The following GPM6A variants were observed in gnomAD, a reference collection of about 807,000 sequenced individuals.
The protein encoded by GPM6A is glycoprotein M6A, also known as neuronal membrane glycoprotein M6-a.
In GPM6A, 7 loss-of-function variants were observed where a neutral mutation model predicts 32.1. That is an observed-to-expected ratio of 0.22 (90% CI 0.12 to 0.41). The LOEUF is 0.41. Among genes scored for constraint, GPM6A ranks in the 10% least tolerant of loss-of-function variants. GPM6A has a pLI of 1.00. For synonymous variants in GPM6A, 130 were observed against 123.4 expected (o/e 1.05, Z -0.35); for missense variants, 235 against 347.2 (o/e 0.68, Z 2.57).
intron 1 of GPM6A, among the ~76,000 whole-genome samples, chr4:175,721,040 TTATATATATATATG>T (rs1746094326): frequency 2.2e-5 from 1 of 44,706 alleles, no homozygotes; most frequent in African/African-American, 5.7e-5. Flanking sequence ...TACATATATA[TTATATATATATATG>T]TACTAGTATA....
chr4:175,805,276 A>G (rs1734648843), intron 1 of GPM6A, among the ~76,000 whole-genome samples: 1 of 152,142 alleles, frequency 6.6e-6, no homozygotes, highest in African/African-American at 2.4e-5. Context: ...CCCATATTTT[A>G]TTTTTGTTAA....
intron 1 of GPM6A, among the ~76,000 whole-genome samples, chr4:175,769,937 G>T (rs1733119637): frequency 6.6e-6 from 1 of 152,206 alleles, no homozygotes; most frequent in African/African-American, 2.4e-5. Flanking sequence ...TATTCAGGAA[G>T]TAGAATAGCA....
chr4:175,778,371 A>C (rs1354156780), intron 1 of GPM6A, among the ~76,000 whole-genome samples: 1 of 152,040 alleles, frequency 6.6e-6, no homozygotes, highest in East Asian at 1.9e-4. Context: ...GCGGTGGCTC[A>C]TGCCTCCCAC....
chr4:175,799,609 C>T (rs1734380041), intron 1 of GPM6A, among the ~76,000 whole-genome samples: 1 of 151,320 alleles, frequency 6.6e-6, no homozygotes, highest in Admixed American at 6.6e-5. Flanking sequence ...AAGGAGAAGA[C>T]TGAGGTATAA....
chr4:175,701,520 C>T, intron 2 of GPM6A, 55 bp downstream of exon 2: 1 of 1,283,156 alleles, frequency 7.8e-7, no homozygotes, highest in Non-Finnish European at 1.1e-6. Flanking sequence ...TCATTTAACA[C>T]ATAGAAGTGT....
intron 1 of GPM6A, among the ~76,000 whole-genome samples, chr4:175,723,630 C>A (rs1746256073): frequency 6.6e-6 from 1 of 151,838 alleles, no homozygotes; most frequent in Non-Finnish European, 1.5e-5. Flanking sequence ...TTCTTTATTA[C>A]CTAAATTAAG....
intron 1 of GPM6A, among the ~76,000 whole-genome samples, chr4:175,954,562 C>T (rs1027090103): frequency 5.9e-5 from 9 of 152,038 alleles, no homozygotes; most frequent in African/African-American, 1.9e-4. Flanking sequence ...TTTTTCCACC[C>T]GAAGAGTCAA....
chr4:175,750,851 G>A (rs780404929), intron 1 of GPM6A, among the ~76,000 whole-genome samples: 2 of 152,128 alleles, frequency 1.3e-5, no homozygotes, highest in Non-Finnish European at 2.9e-5. Flanking sequence ...GGGATTACAG[G>A]CATGAGTCAC....
chr4:176,001,147 C>T (rs1032106490), intron 1 of GPM6A, among the ~76,000 whole-genome samples: 7 of 152,162 alleles, frequency 4.6e-5, no homozygotes, highest in Admixed American at 1.3e-4. Context: ...CAAAGCATCC[C>T]CTAACCCTTG....
intron 3 of GPM6A, among the ~76,000 whole-genome samples, chr4:175,665,251 A>T (rs113716229): frequency 1.2e-3 from 185 of 152,198 alleles, no homozygotes; most frequent in African/African-American, 4.4e-3. Context: ...AGCTATTTGC[A>T]TGTTCATCAA....
At chr4:175,800,556 T>A (rs760852558) in intron 1 of GPM6A, among the ~76,000 whole-genome samples, 24 of 152,150 alleles carry the variant, frequency 1.6e-4, no homozygotes, top group Non-Finnish European at 3.4e-4. Context: ...ATAGCTAAAA[T>A]TATATACCTA....
chr4:175,802,119 TG>T (rs1734496143), intron 1 of GPM6A, among the ~76,000 whole-genome samples: 1 of 151,902 alleles, frequency 6.6e-6, no homozygotes, highest in African/African-American at 2.4e-5. Context: ...TTTCGTGCAG[TG>T]TTGCAAAAAA....
intron 3 of GPM6A, among the ~76,000 whole-genome samples, chr4:175,653,404 C>T (rs1256994069): frequency 6.6e-6 from 1 of 152,100 alleles, no homozygotes; most frequent in African/African-American, 2.4e-5. Context: ...ACTCTTACTT[C>T]CTTTTTGTCT....
chr4:175,638,400 A>C (rs933230805), intron 6 of GPM6A, among the ~76,000 whole-genome samples: 5 of 152,076 alleles, frequency 3.3e-5, no homozygotes, highest in Admixed American at 3.3e-4. Flanking sequence ...GACTCTAGAC[A>C]GAGAAAATAA....
chr4:175,873,151 T>C (rs960325089), intron 1 of GPM6A, among the ~76,000 whole-genome samples: 1 of 151,676 alleles, frequency 6.6e-6, no homozygotes, highest in Non-Finnish European at 1.5e-5. Flanking sequence ...AATGTGTGTT[T>C]TTTTCTCAGT....
chr4:175,819,046 A>G (rs1735198092), intron 1 of GPM6A, among the ~76,000 whole-genome samples: 2 of 152,328 alleles, frequency 1.3e-5, no homozygotes, highest in Admixed American at 6.5e-5. Context: ...TAAAACTTCT[A>G]AATAGTTTTG....
At chr4:175,747,206 G>A (rs576265438) in intron 1 of GPM6A, among the ~76,000 whole-genome samples, 7 of 142,062 alleles carry the variant, frequency 4.9e-5, no homozygotes, top group African/African-American at 1.9e-4. Context: ...GGTGGCAGAA[G>A]TTGCAGTTAG....
chr4:175,755,039 AT>A (rs1732476005), intron 1 of GPM6A, among the ~76,000 whole-genome samples: 1 of 150,318 alleles, frequency 6.7e-6, no homozygotes, highest in South Asian at 2.1e-4. Context: ...AAAGAAAAAA[AT>A]CTTCAAAAAA....
At chr4:175,714,621 G>A (rs1745740641) in intron 1 of GPM6A, among the ~76,000 whole-genome samples, 2 of 152,042 alleles carry the variant, frequency 1.3e-5, no homozygotes, top group African/African-American at 4.8e-5. Flanking sequence ...TTATAGTCAG[G>A]CAATTTCTCA....
Sources: allele counts gnomAD v4.1 joint callset (sites outside exome capture counted in the v4.1 genomes callset), GRCh38; gene constraint gnomAD v4.1.1; transcripts MANE v1.5; gene names NCBI Gene and HGNC (gene_info 2026-07-23, HGNC 2026-07-21).